Variants in DLG2 observed in about 807,000 individuals in gnomAD.
DLG2 encodes discs large MAGUK scaffold protein 2.
Under a neutral mutation model 132.5 loss-of-function variants are expected in DLG2, and 45 were observed. The ratio of observed to expected loss-of-function variants is 0.34; its 90% CI spans 0.27 to 0.44. The LOEUF is 0.44. Ranked by LOEUF, DLG2 falls within the 20% of genes least tolerant of loss-of-function variation. DLG2 has a pLI of 1.00. For synonymous variants in DLG2, 424 were observed against 419.6 expected, an observed-to-expected ratio of 1.01 and a Z score of -0.13; for missense variants, 1,045 against 1,196.9, an observed-to-expected ratio of 0.87 and a Z score of 1.87.
intron 4 of DLG2, among the ~76,000 whole-genome samples, chr11:85,200,974 C>A (rs972577481): frequency 5.9e-5 from 9 of 152,104 alleles, no homozygotes; most frequent in African/African-American, 2.2e-4. Flanking sequence ...AACTAACCTG[C>A]TGGGAGACTC....
chr11:83,513,580 G>A (rs1441951777), intron 21 of DLG2, among the ~76,000 whole-genome samples: 2 of 152,174 alleles, frequency 1.3e-5, no homozygotes, highest in African/African-American at 4.8e-5. Flanking sequence ...TGCTTTTAGT[G>A]GTTTACACAT....
Position 85,069,349 on chromosome 11 carries a change from A to T in DLG2, c.357+42312T>A, listed in dbSNP as rs531582128. Among the ~76,000 whole-genome samples, 5 of 152,172 alleles carry T rather than the reference A, an allele frequency of 3.3e-5. 1 individual carries two copies. Among genetic ancestry groups the T allele is most frequent in the African/African-American group, 1.2e-4 (5 of 41,454 alleles). ...CTTCTGCACAGCAAAAGAAACTACCATCAGAGTGAACAGGCAACCTACAGA... is the reference window on the plus strand; with the variant it reads ...CTTCTGCACAGCAAAAGAAACTACCTTCAGAGTGAACAGGCAACCTACAGA... On this transcript the variant is annotated intron_variant, in intron 6 of 27. Coordinates refer to ENST00000376104, the MANE Select transcript of DLG2 (RefSeq NM_001142699.3).
intron 11 of DLG2, among the ~76,000 whole-genome samples, chr11:83,987,189 A>G (rs1045919068): frequency 5.9e-5 from 9 of 152,106 alleles, no homozygotes; most frequent in Admixed American, 3.9e-4. Context: ...GCTCAATGAA[A>G]TGAAAGAGGA....
chr11:84,139,665 G>A (rs2094757214), intron 9 of DLG2, among the ~76,000 whole-genome samples: 1 of 152,132 alleles, frequency 6.6e-6, no homozygotes, highest in Non-Finnish European at 1.5e-5. Context: ...CTGAGCCACA[G>A]TGGGGCTCAC....
At position 85,394,664 on chromosome 11, in the gene DLG2, G is replaced by A. The variant is rs2087125490; in HGVS notation, c.41-109299C>T. ...GACATTTATTGAGCAATGAATCACT[G>A]AATAAGGCCCAGCCATTCAAGAATA... On this transcript the variant is annotated intron_variant, in intron 3 of 27. Coordinates refer to ENST00000376104, the MANE Select transcript of DLG2 (RefSeq NM_001142699.3). Among the ~76,000 whole-genome samples, 3 of 152,130 alleles carry A rather than the reference G, an allele frequency of 2.0e-5. No individual in the cohort carries two copies. The South Asian group carries it at 6.2e-4, about 32-fold the overall frequency.
At chr11:84,975,144 GT>G (rs966012998) in intron 6 of DLG2, among the ~76,000 whole-genome samples, 5 of 152,248 alleles carry the variant, frequency 3.3e-5, no homozygotes, top group African/African-American at 1.2e-4. Flanking sequence ...AGGGATTACT[GT>G]TACAGGGGTA....
chr11:84,537,026 C>T (rs1213299753), intron 6 of DLG2, among the ~76,000 whole-genome samples: 1 of 152,060 alleles, frequency 6.6e-6, no homozygotes, highest in Non-Finnish European at 1.5e-5. Flanking sequence ...ATGGCTCACA[C>T]TGCCCACAGG....
chr11:84,446,842 A>C (rs2099036599), intron 7 of DLG2, among the ~76,000 whole-genome samples: 1 of 152,040 alleles, frequency 6.6e-6, no homozygotes. Flanking sequence ...CTCTCACCCT[A>C]AATGCCTTTA....
intron 4 of DLG2, among the ~76,000 whole-genome samples, chr11:85,264,116 A>G (rs1187305774): frequency 4.6e-5 from 7 of 152,208 alleles, no homozygotes; most frequent in Middle Eastern, 3.4e-3. Context: ...CTCTCAGACA[A>G]TTGTTCTCCC....
intron 19 of DLG2, among the ~76,000 whole-genome samples, chr11:83,603,038 G>GTGTGCA (rs1405354899): frequency 2.5e-4 from 38 of 151,946 alleles, no homozygotes; most frequent in Non-Finnish European, 7.4e-5. Flanking sequence ...GTGTGTATGT[G>GTGTGCA]TGTGCATGTG....
At chr11:84,168,568 T>C (rs1211422505) in intron 8 of DLG2, among the ~76,000 whole-genome samples, 1 of 152,130 alleles carries the variant, frequency 6.6e-6, no homozygotes, top group Non-Finnish European at 1.5e-5. Context: ...TATATTACAG[T>C]GGCTAGCAAT....
At chr11:85,505,224 C>A (rs1310254072) in intron 3 of DLG2, among the ~76,000 whole-genome samples, 1 of 152,122 alleles carries the variant, frequency 6.6e-6, no homozygotes, top group East Asian at 1.9e-4. Context: ...CTTTCTACTG[C>A]CTGATTACCC....
chr11:84,548,738 C>A (rs2099395800), intron 6 of DLG2, among the ~76,000 whole-genome samples: 2 of 152,062 alleles, frequency 1.3e-5, no homozygotes, highest in Admixed American at 1.3e-4. Context: ...CCACAATAAA[C>A]ATACGGAGAC....
At chr11:84,232,740 A>G (rs1211021986) in intron 8 of DLG2, among the ~76,000 whole-genome samples, 1 of 152,226 alleles carries the variant, frequency 6.6e-6, no homozygotes, top group East Asian at 1.9e-4. Flanking sequence ...CTTCCCAGTC[A>G]GCATGATAAG....
chr11:84,355,158 G>T (rs1434971878), intron 7 of DLG2, among the ~76,000 whole-genome samples: 2 of 152,086 alleles, frequency 1.3e-5, no homozygotes, highest in Non-Finnish European at 2.9e-5. Flanking sequence ...ACCTGTGAAT[G>T]CTTCTTAGAG....
At chr11:84,939,419 TTTAG>T (rs145298165) in intron 6 of DLG2, among the ~76,000 whole-genome samples, 16,446 of 152,150 alleles carry the variant, frequency 0.11, 1,097 homozygotes, top group African/African-American at 0.12. Flanking sequence ...CAATTTTACT[TTTAG>T]TTATTTTGAA....
chr11:84,566,932 G>A (rs1462741707), intron 6 of DLG2, among the ~76,000 whole-genome samples: 4 of 152,144 alleles, frequency 2.6e-5, no homozygotes, highest in African/African-American at 9.7e-5. Flanking sequence ...ACAAAATGAG[G>A]ACAATGCAAA....
At chr11:83,879,895 T>C (rs528274167) in intron 15 of DLG2, among the ~76,000 whole-genome samples, 3 of 152,318 alleles carry the variant, frequency 2.0e-5, no homozygotes, top group East Asian at 1.9e-4. Flanking sequence ...CATTTTTCAA[T>C]AAATCCCCAG....
At chr11:84,486,485 G>A (rs961945753) in intron 7 of DLG2, among the ~76,000 whole-genome samples, 2 of 152,062 alleles carry the variant, frequency 1.3e-5, no homozygotes, top group Admixed American at 1.3e-4. Flanking sequence ...AGTAGTACAA[G>A]TTTAAGTCCC....
Sources: allele counts gnomAD v4.1 joint callset (sites outside exome capture counted in the v4.1 genomes callset), GRCh38; gene constraint gnomAD v4.1.1; transcripts MANE v1.5; gene names NCBI Gene and HGNC (gene_info 2026-07-23, HGNC 2026-07-21).